JARID2: variants seen among roughly 807,000 people sequenced by gnomAD.
The protein encoded by JARID2 is protein Jumonji.
In JARID2, 21 loss-of-function variants were observed where a neutral mutation model predicts 125.6. The ratio of observed to expected loss-of-function variants is 0.17; its 90% confidence interval spans 0.12 to 0.24. The LOEUF (loss-of-function observed/expected upper bound fraction) is 0.24, where lower values mean the gene tolerates loss of function less well. Among genes scored for constraint, JARID2 ranks in the 10% least tolerant of loss-of-function variants. JARID2 has a pLI of 1.00. For missense variants in JARID2, 1,303 were observed against 1,639.6 expected (o/e 0.79, Z 3.55); for synonymous variants, 736 against 661.6 (o/e 1.11, Z -1.73).
At chr6:15,470,820 G>A (rs1380218012) in intron 5 of JARID2, among the ~76,000 whole-genome samples, 1 of 152,218 alleles carries the variant, frequency 6.6e-6, no homozygotes, top group Non-Finnish European at 1.5e-5. Context: ...CAAACAGAGC[G>A]ATGCGGAATA....
intron 9 of JARID2, among the ~76,000 whole-genome samples, chr6:15,505,999 C>T (rs971178049): frequency 1.3e-5 from 2 of 152,232 alleles, no homozygotes; most frequent in African/African-American, 4.8e-5. Flanking sequence ...ATCCATGATG[C>T]GCAAGAAAAC....
At position 15,416,388 on chromosome 6, in the gene JARID2, C is replaced by A. The variant is rs532532646; in HGVS notation, c.323+6023C>A. Among the ~76,000 whole-genome samples, 487 of 152,334 alleles carry A rather than the reference C, an allele frequency of 3.2e-3. 3 individuals are homozygous for A. The highest frequency in any genetic ancestry group is 0.011 in the African/African-American group (475 of 41,572). On this transcript the variant is annotated intron_variant, in intron 3 of 17. Transcript: ENST00000341776. Reference sequence around the variant, plus strand: ...CCGAGATCACGCCACTGCACTCCAGCCTGGGCACCATTGAGCACTGAGTGA... The same window carrying A: ...CCGAGATCACGCCACTGCACTCCAGACTGGGCACCATTGAGCACTGAGTGA...
chr6:15,288,803 T>C (rs892112263), intron 1 of JARID2, among the ~76,000 whole-genome samples: 16 of 152,230 alleles, frequency 1.1e-4, no homozygotes, highest in African/African-American at 3.1e-4. Flanking sequence ...GGAGATCTTA[T>C]TGTAGGGCAT....
intron 1 of JARID2, among the ~76,000 whole-genome samples, chr6:15,319,427 C>A (rs1019191102): frequency 6.6e-6 from 1 of 152,108 alleles, no homozygotes; most frequent in Non-Finnish European, 1.5e-5. Context: ...GAGTTTCCCT[C>A]AAGCCAGTTG....
At chr6:15,314,640 G>GT (rs1762121459) in intron 1 of JARID2, among the ~76,000 whole-genome samples, 1 of 152,182 alleles carries the variant, frequency 6.6e-6, no homozygotes, top group South Asian at 2.1e-4. Flanking sequence ...TGGAGATACA[G>GT]TTGAGGCCTC....
intron 5 of JARID2, among the ~76,000 whole-genome samples, chr6:15,474,081 A>G (rs1439793696): frequency 6.6e-6 from 1 of 152,256 alleles, no homozygotes; most frequent in African/African-American, 2.4e-5. Context: ...ATCAAGGCAG[A>G]TGACAAGGAA....
intron 3 of JARID2, among the ~76,000 whole-genome samples, chr6:15,428,230 G>T: frequency 6.6e-6 from 1 of 151,856 alleles, no homozygotes. Context: ...TAGGCTCAAT[G>T]GCTTTAATTT....
chr6:15,351,574 A>G (rs1403144479), intron 1 of JARID2, among the ~76,000 whole-genome samples: 1 of 152,172 alleles, frequency 6.6e-6, no homozygotes, highest in Non-Finnish European at 1.5e-5. Context: ...GTAGCGTCTG[A>G]TGCTAGGAGT....
intron 3 of JARID2, among the ~76,000 whole-genome samples, chr6:15,444,087 G>A (rs951728836): frequency 6.6e-6 from 1 of 152,176 alleles, no homozygotes; most frequent in African/African-American, 2.4e-5. Context: ...TATGTGTAAA[G>A]CAAGAAATGA....
At chr6:15,356,287 T>G (rs1233498703) in intron 1 of JARID2, among the ~76,000 whole-genome samples, 1 of 152,246 alleles carries the variant, frequency 6.6e-6, no homozygotes, top group African/African-American at 2.4e-5. Flanking sequence ...ACGTTTTACA[T>G]GAGTGCCCAG....
chr6:15,421,677 C>T (rs535023895), intron 3 of JARID2, among the ~76,000 whole-genome samples: 1 of 152,314 alleles, frequency 6.6e-6, no homozygotes, highest in South Asian at 2.1e-4. Flanking sequence ...ACCACCCTCA[C>T]TTGGCAGCTG....
intron 2 of JARID2, among the ~76,000 whole-genome samples, chr6:15,390,688 G>C (rs1213232298): frequency 6.6e-6 from 1 of 152,282 alleles, no homozygotes; most frequent in East Asian, 1.9e-4. Context: ...TAAAACTGAA[G>C]GAAGACTGGG....
chr6:15,423,472 G>T (rs1449099063), intron 3 of JARID2, among the ~76,000 whole-genome samples: 2 of 152,208 alleles, frequency 1.3e-5, no homozygotes, highest in Non-Finnish European at 2.9e-5. Context: ...GATGGGGAAT[G>T]TGGTTTGTTG....
intron 1 of JARID2, among the ~76,000 whole-genome samples, chr6:15,261,746 C>T (rs1299623259): frequency 6.6e-6 from 1 of 151,758 alleles, no homozygotes; most frequent in East Asian, 1.9e-4. Context: ...CCTACTACGT[C>T]CTACTGTATA....
At chr6:15,265,584 A>G (rs1441028608) in intron 1 of JARID2, among the ~76,000 whole-genome samples, 2 of 152,022 alleles carry the variant, frequency 1.3e-5, no homozygotes, top group Non-Finnish European at 2.9e-5. Flanking sequence ...CCCCATGGGT[A>G]CAGAAGTTAA....
Position 15,392,039 on chromosome 6 carries a change from G to GGTGTGTGTGTGT in JARID2, c.181+17815_181+17826dup, listed in dbSNP as rs55811028. Among the ~76,000 whole-genome samples, 960 of 122,780 alleles carry GGTGTGTGTGTGT rather than the reference G, an allele frequency of 7.8e-3. 19 individuals are homozygous for GGTGTGTGTGTGT. The highest frequency in any genetic ancestry group is 0.028 in the African/African-American group (895 of 32,282). The allele number at this position is 122,780 out of a possible 152,430, so 80.5% of individuals were successfully genotyped here. On this transcript the variant is annotated intron_variant, in intron 2 of 17. Transcript: ENST00000341776. ...GGCACCAGTGCAGTGATCCCAGAGTGGTGTGTGTGTGTGTGTGTGTGTGTG... is the reference window on the plus strand; with the variant it reads ...GGCACCAGTGCAGTGATCCCAGAGTGGTGTGTGTGTGTGTGTGTGTGTGTGTGTGTGTGTGTG...
At chr6:15,343,307 T>C (rs914657930) in intron 1 of JARID2, among the ~76,000 whole-genome samples, 5 of 147,824 alleles carry the variant, frequency 3.4e-5, no homozygotes, top group Non-Finnish European at 6.0e-5. Flanking sequence ...AAAAAAAAGC[T>C]CATGAGCATG....
chr6:15,496,235 A>G lies in JARID2; in HGVS notation c.1010A>G (p.Lys337Arg). The G allele has an allele frequency of 5.0e-6, 8 of 1,614,196 alleles. No homozygotes were observed. Among genetic ancestry groups the G allele is most frequent in the Non-Finnish European group, 6.8e-6 (8 of 1,180,040 alleles). The change falls in exon 7 of 18, where the codon AAG becomes AGG. Residue 337 changes from lysine (K) to arginine (R), a missense_variant. This residue lies in a region of JARID2 where 651 missense variants were observed against 581.6 expected (regional missense o/e 1.12). Transcript: ENST00000341776. ...AGACCTTCACCATCCAAAACTGTGAAGTACACTGCCACGGTGACGAAGGGG... is the reference window on the plus strand; with the variant it reads ...AGACCTTCACCATCCAAAACTGTGAGGTACACTGCCACGGTGACGAAGGGG... ...EVRPSPSKTV[K>R]YTATVTKGAV...
chr6:15,367,409 C>T (rs1764018563), intron 1 of JARID2, among the ~76,000 whole-genome samples: 1 of 152,156 alleles, frequency 6.6e-6, no homozygotes, highest in African/African-American at 2.4e-5. Context: ...TTCCCCTACT[C>T]CCACTTCTAT....
Sources: gnomAD v4.1 joint callset for allele counts (sites outside exome capture counted in the v4.1 genomes callset) on GRCh38, gnomAD v4.1.1 for gene constraint, gnomAD v4.1.1 regional missense constraint, MANE v1.5 for transcripts, NCBI Gene and HGNC (gene_info 2026-07-23, HGNC 2026-07-21) for gene names.